Variants in FARSA observed in about 807,000 individuals in gnomAD.
FARSA encodes the protein phenylalanine--tRNA ligase alpha subunit.
In FARSA, 37 loss-of-function variants were observed where a neutral mutation model predicts 63.2. The ratio of observed to expected loss-of-function variants is 0.59; its 90% CI spans 0.45 to 0.77. FARSA has a LOEUF of 0.77. FARSA is among the 30% of genes least tolerant of loss of function. The pLI, the probability that FARSA is intolerant of heterozygous loss-of-function variation, is 0.00. For missense variants in FARSA, 618 were observed against 696.6 expected (o/e 0.89, Z 1.27); for synonymous variants, 312 against 285.1 (o/e 1.09, Z -0.95).
At position 12,926,770 on chromosome 19, in the gene FARSA, C is replaced by T. The variant is rs528408406; in HGVS notation, c.841+1572G>A. On this transcript the variant is annotated intron_variant, in intron 7 of 12. Transcript: ENST00000314606. ...CTTTCTATGTTGCTTAGGCTGTTCT[C>T]AAACTCCTGGGCTCAAGCGATCCTC... 5.3e-5 allele frequency among the ~76,000 whole-genome samples: 8 copies of T among 152,204 alleles called. No individual in the cohort carries two copies. The South Asian group carries it at 6.2e-4, about 12-fold the overall frequency.
chr19:12,930,323 C>T lies in FARSA; in HGVS notation c.403G>A (p.Glu135Lys), dbSNP rs1189769005. 1 of 1,614,146 alleles carries T rather than the reference C, an allele frequency of 6.2e-7. No individual in the cohort carries two copies. Among genetic ancestry groups the T allele is most frequent in the Non-Finnish European group, 8.5e-7 (1 of 1,180,014 alleles). Residue 135 changes from glutamate (E) to lysine (K), a missense_variant, in exon 4 of 13, where the codon GAG (glutamate) becomes AAG (lysine). By Grantham distance (56) the Glu-to-Lys change is moderately conservative (BLOSUM62 1). Transcript: ENST00000314606. ...VFRVVDSMED[E>K]VQRRLQLVRG... ...ACCAGCTGGAGCCGCCGCTGCACCT[C>T]ATCCTCCATGCTGTCCACCTGCCAG...
Position 12,933,625 on chromosome 19 carries a change from G to T in FARSA, c.72C>A (p.Ala24=). The T allele has an allele frequency of 6.4e-7, 1 of 1,559,536 alleles. No individual in the cohort carries two copies. ...LEASDGGLDS[A]ELAAELGMEH... ...CCATGCCCAGCTCAGCCGCCAACTC[G>T]GCGCTGTCCAGGCCGCCATCAGACG... The change falls in exon 1 of 13, where the codon GCC becomes GCA. Residue 24 remains alanine (A), a synonymous_variant. Coordinates refer to ENST00000314606, the MANE Select transcript of FARSA (RefSeq NM_004461.3).
intron 7 of FARSA, among the ~76,000 whole-genome samples, chr19:12,927,481 C>T (rs1971339827): frequency 6.6e-6 from 1 of 152,158 alleles, no homozygotes; most frequent in African/African-American, 2.4e-5. Flanking sequence ...GCCTGTAATC[C>T]TAGCACTTTG....
At position 12,933,341 on chromosome 19, in the gene FARSA, C is replaced by T. The variant is rs144368543; in HGVS notation, c.147+209G>A. 2,677 of 585,608 alleles carry T rather than the reference C, an allele frequency of 4.6e-3. 12 individuals carry two copies. Among genetic ancestry groups the T allele is most frequent in the Non-Finnish European group, 6.6e-3 (2,285 of 345,296 alleles). 36.3% of individuals were successfully genotyped at this position (585,608 alleles called of 1,614,324 possible). Reference sequence around the variant, plus strand: ...TCATCGTACCCTCTACCCACGCTGACCGTGCCTCAATAAACGTTTATTGCA... The same window carrying T: ...TCATCGTACCCTCTACCCACGCTGATCGTGCCTCAATAAACGTTTATTGCA... On this transcript the variant is annotated intron_variant, in intron 1 of 12. Transcript: ENST00000314606.
rs1971307228 is a variant in FARSA, at chr19:12,924,802, G to A, written c.1032C>T (p.Pro344=). 2 of 1,607,328 alleles carry A rather than the reference G, an allele frequency of 1.2e-6. No homozygotes were observed. Among genetic ancestry groups the A allele is most frequent in the East Asian group, 2.2e-5 (1 of 44,718 alleles). The part of the protein sequence containing the change: ...RALYRLAQKK[P]FTPVKYFSID... ...TGGAGAAGTACTTGACCGGAGTGAA[G>A]GGCTTCTAGGGGTGACAACCGAGCC... Residue 344 remains proline (P), a synonymous_variant, in exon 10 of 13, where the codon CCC becomes CCT. Transcript: ENST00000314606. The surrounding 1 kb of genome is among the most constrained non-coding windows in gnomAD (Gnocchi z 6.4).
At position 12,922,573 on chromosome 19, in the gene FARSA, G is replaced by T; in HGVS notation, c.*175C>A. ...AGACACACCACACAGGACAACAGAA[G>T]GAACCTGCTACCCAGTCCTCTGTCC... On this transcript the variant is annotated 3_prime_UTR_variant, in exon 13 of 13. Coordinates refer to ENST00000314606, the MANE Select transcript of FARSA (RefSeq NM_004461.3). 1.3e-6 allele frequency: 1 copy of T among 751,578 alleles called. No homozygotes were observed. The highest frequency in any genetic ancestry group is 2.1e-6 in the Non-Finnish European group (1 of 473,248). 46.6% of individuals were successfully genotyped at this position (751,578 alleles called of 1,614,324 possible).
intron 7 of FARSA, among the ~76,000 whole-genome samples, chr19:12,926,712 T>C (rs1206153820): frequency 6.6e-6 from 1 of 152,142 alleles, no homozygotes; most frequent in Non-Finnish European, 1.5e-5. Context: ...CGTGCACTAC[T>C]ATGCCCAGCT....
In FARSA at chr19:12,930,764, G is replaced by A; in HGVS notation, c.148-15C>T. 4 of 1,603,588 alleles carry A rather than the reference G, an allele frequency of 2.5e-6. No homozygotes were observed. Among genetic ancestry groups the A allele is most frequent in the African/African-American group, 1.3e-5 (1 of 75,064 alleles). ...GCCTCGATGACCTAGAGGGAAATGT[G>A]GGGAGGGTGTCCAGGCAGGGGTGAG... On this transcript the variant is annotated splice_polypyrimidine_tract_variant and intron_variant, in intron 1 of 12. Transcript: ENST00000314606.
chr19:12,928,023 CAAAAAAAAAAAA>C lies in FARSA; in HGVS notation c.841+307_841+318del, dbSNP rs34586259. On this transcript the variant is annotated intron_variant, in intron 7 of 12. Transcript: ENST00000314606. ...TGGGCGACAGAGTGAGACCCTGTCT[CAAAAAAAAAAAA>C]AAAAAAAAAAAAGACTGCAGGTGGC... is the stretch of plus-strand genomic sequence containing the variant. Among the ~76,000 whole-genome samples, 4 of 73,384 alleles carry C rather than the reference CAAAAAAAAAAAA, an allele frequency of 5.5e-5. No individual in the cohort carries two copies. The Admixed American group carries it at 6.2e-4, about 11-fold the overall frequency. 48.1% of individuals were successfully genotyped at this position (73,384 alleles called of 152,430 possible). A position where few individuals can be genotyped will look rare whatever the true frequency, so the allele number is the denominator to read the frequency against.
chr19:12,927,385 T>A (rs1971338433), intron 7 of FARSA, among the ~76,000 whole-genome samples: 2 of 150,196 alleles, frequency 1.3e-5, no homozygotes, highest in South Asian at 4.2e-4. Flanking sequence ...CTGTTTGAGA[T>A]CAGGAGTTTG....
In FARSA at chr19:12,924,652, G is replaced by C; in HGVS notation, c.1182C>G (p.Phe394Leu). Residue 394 changes from phenylalanine to leucine, a missense_variant, in exon 10 of 13, where the codon TTC (phenylalanine) becomes TTG (leucine). Transcript: ENST00000314606. The surrounding 1 kb of genome is among the most constrained non-coding windows in gnomAD (Gnocchi z 6.4). ...CCCCCTGCTCACCCAGCTTGGTGAA[G>C]AACTCCCGCAGAACGCCCATGAGGT... is the stretch of plus-strand genomic sequence containing the variant. ...LGHLMGVLREFFTKLGITQLR... is the reference protein window; with the variant it reads ...LGHLMGVLRELFTKLGITQLR... 1.2e-6 allele frequency: 2 copies of C among 1,601,298 alleles called. No homozygotes were observed. The highest frequency in any genetic ancestry group is 1.7e-6 in the Non-Finnish European group (2 of 1,172,696).
At chr19:12,925,681 G>A (rs995335034) in intron 7 of FARSA, among the ~76,000 whole-genome samples, 2 of 151,240 alleles carry the variant, frequency 1.3e-5, no homozygotes, top group African/African-American at 2.4e-5. Context: ...ACGTATGTAT[G>A]TATGTATTTT....
chr19:12,924,295 G>T lies in FARSA; in HGVS notation c.1274-30C>A. 6.3e-7 allele frequency: 1 copy of T among 1,598,174 alleles called. No homozygotes were observed. The highest frequency in any genetic ancestry group is 8.6e-7 in the Non-Finnish European group (1 of 1,165,992). On this transcript the variant is annotated intron_variant, in intron 11 of 12. Transcript: ENST00000314606. This position sits in a 1 kb window ranked among gnomAD's most constrained non-coding sequence, Gnocchi z 6.4. ...AGAGGCAGGACAGAAAAGACGGGCAGTGCGTGTTGAGTTTCTGGGCACTGC... is the reference window on the plus strand; with the variant it reads ...AGAGGCAGGACAGAAAAGACGGGCATTGCGTGTTGAGTTTCTGGGCACTGC...
At position 12,922,933 on chromosome 19, in the gene FARSA, C is replaced by T. The variant is rs544096075; in HGVS notation, c.1389-47G>A. 4.3e-6 allele frequency: 7 copies of T among 1,611,940 alleles called. No individual in the cohort carries two copies. In the South Asian group the frequency reaches 7.7e-5, roughly 18 times the overall value. ...TTTATCATGAGGTCAGCACGTGCACCCTTCTGCTCAGATTTCCATGGCTCC... is the reference window on the plus strand; with the variant it reads ...TTTATCATGAGGTCAGCACGTGCACTCTTCTGCTCAGATTTCCATGGCTCC... On this transcript the variant is annotated intron_variant, in intron 12 of 12. Transcript: ENST00000314606.
intron 1 of FARSA, chr19:12,933,103 A>T (rs879305446): frequency 7.1e-4 from 122 of 172,826 alleles, no homozygotes; most frequent in Non-Finnish European, 1.4e-3. Context: ...CCATCCCCCA[A>T]GATCCCGGCC....
chr19:12,924,347 G>T lies in FARSA; in HGVS notation c.1274-82C>A. 1 of 1,533,294 alleles carries T rather than the reference G, an allele frequency of 6.5e-7. No homozygotes were observed. Among genetic ancestry groups the T allele is most frequent in the South Asian group, 1.1e-5 (1 of 89,452 alleles). 95.0% of individuals were successfully genotyped at this position (1,533,294 alleles called of 1,614,324 possible). On this transcript the variant is annotated intron_variant, in intron 11 of 12. Transcript: ENST00000314606. This position sits in a 1 kb window ranked among gnomAD's most constrained non-coding sequence, Gnocchi z 6.4. ...GGTACAGGTTCTGGGTCTAGGTGGT[G>T]AGCTTGGGAGGTGGGGTACAGGCAT...
In FARSA at chr19:12,924,275, C is replaced by G; in HGVS notation, c.1274-10G>C. 1 of 1,611,992 alleles carries G rather than the reference C, an allele frequency of 6.2e-7. No individual in the cohort carries two copies. The highest frequency in any genetic ancestry group is 8.5e-7 in the Non-Finnish European group (1 of 1,178,166). The stretch of plus-strand genomic sequence containing the variant: ...ACCCACTTCTTCAGGCCTGCAGAGG[C>G]AGGACAGAAAAGACGGGCAGTGCGT... On this transcript the variant is annotated splice_polypyrimidine_tract_variant and intron_variant, in intron 11 of 12. Coordinates refer to ENST00000314606, the MANE Select transcript of FARSA (RefSeq NM_004461.3). The surrounding 1 kb of genome is among the most constrained non-coding windows in gnomAD (Gnocchi z 6.4).
chr19:12,927,209 C>G (rs1198036970), intron 7 of FARSA, among the ~76,000 whole-genome samples: 1 of 152,224 alleles, frequency 6.6e-6, no homozygotes, highest in Non-Finnish European at 1.5e-5. Context: ...TTTGAGGCTG[C>G]AGCCTGCCTT....
Position 12,922,794 on chromosome 19 carries a change from C to T in FARSA, c.1481G>A (p.Arg494His), listed in dbSNP as rs770712368. The change falls in exon 13 of 13, where the codon CGC becomes CAC. Residue 494 changes from arginine to histidine, a missense_variant. Transcript: ENST00000314606. ...LQMVYDSPLCRLDAEPRPPPT... is the reference protein window; with the variant it reads ...LQMVYDSPLCHLDAEPRPPPT... ...AGGGGGCCTCGGCTCGGCATCCAGG[C>T]GGCACAGGGGACTGTCATACACCAT... The T allele has an allele frequency of 5.0e-6, 8 of 1,614,060 alleles. No individual in the cohort carries two copies. The highest frequency in any genetic ancestry group is 2.2e-5 in the East Asian group (1 of 44,878).
Sources: gnomAD v4.1 joint callset for allele counts (sites outside exome capture counted in the v4.1 genomes callset) on GRCh38, gnomAD v4.1.1 for gene constraint, Gnocchi (gnomAD v3.1) non-coding constraint, MANE v1.5 for transcripts, NCBI Gene and HGNC (gene_info 2026-07-23, HGNC 2026-07-21) for gene names.